TMEFF1: variants seen among roughly 807,000 people sequenced by gnomAD.
TMEFF1 encodes transmembrane protein with EGF like and two follistatin like domains 1.
Under a neutral mutation model 47.5 loss-of-function variants are expected in TMEFF1, and 20 were observed. The ratio of observed to expected loss-of-function variants is 0.42; its 90% CI spans 0.30 to 0.61. TMEFF1 has a LOEUF of 0.61. Ranked by LOEUF, TMEFF1 falls within the 20% of genes least tolerant of loss-of-function variation. The pLI is 0.19. For synonymous variants in TMEFF1, 162 were observed against 166.3 expected (o/e 0.97, Z 0.20); for missense variants, 411 against 471.1 (o/e 0.87, Z 1.18).
intron 1 of TMEFF1, 43 bp from the exon 2 acceptor site, chr9:100,498,721 TA>T: frequency 6.2e-7 from 1 of 1,602,606 alleles, no homozygotes; most frequent in Non-Finnish European, 8.5e-7. Flanking sequence ...ACACACGTAA[TA>T]AAAAGCCAAA....
rs1839012275 is a variant in TMEFF1, at chr9:100,561,426, A to G, written c.805A>G (p.Ile269Val). ...DASDQREDVY[I>V]GNHMPCPENL... ...TAGTGATCAAAGAGAAGATGTTTATATTGGAAACCACATGCCTTGCCCTGA... is the reference window on the plus strand; with the variant it reads ...TAGTGATCAAAGAGAAGATGTTTATGTTGGAAACCACATGCCTTGCCCTGA... Residue 269 changes from isoleucine (I) to valine (V), a missense_variant, in exon 8 of 10, where the codon ATT becomes GTT. Ile to Val is a conservative substitution (Grantham distance 29). Coordinates refer to ENST00000374879, the MANE Select transcript of TMEFF1 (RefSeq NM_003692.5). 2 of 1,613,488 alleles carry G rather than the reference A, an allele frequency of 1.2e-6. No homozygotes were observed. The highest frequency in any genetic ancestry group is 1.3e-5 in the African/African-American group (1 of 74,882).
intron 2 of TMEFF1, among the ~76,000 whole-genome samples, chr9:100,508,249 T>G (rs528068106): frequency 2.0e-5 from 3 of 152,296 alleles, no homozygotes; most frequent in Admixed American, 6.5e-5. Flanking sequence ...TTTTAAAACT[T>G]TAGTCATTTA....
chr9:100,503,237 A>G (rs1221510897), intron 2 of TMEFF1, among the ~76,000 whole-genome samples: 1 of 152,148 alleles, frequency 6.6e-6, no homozygotes, highest in African/African-American at 2.4e-5. Context: ...TTTTAAATAA[A>G]AATTCAAATT....
chr9:100,504,354 T>C (rs1837818491), intron 2 of TMEFF1, among the ~76,000 whole-genome samples: 1 of 152,182 alleles, frequency 6.6e-6, no homozygotes, highest in South Asian at 2.1e-4. Flanking sequence ...CTCCTAGGTA[T>C]ATGCTTGTGA....
In TMEFF1 at chr9:100,476,079, C is replaced by T. The variant is rs80217154; in HGVS notation, c.196+2339C>T. On this transcript the variant is annotated intron_variant, in intron 1 of 9. Transcript: ENST00000374879. ...AGTAATATCTGAGTCTTCTTTCAAGCGTATTCATCACTGATATAAATGTCA... is the reference window on the plus strand; with the variant it reads ...AGTAATATCTGAGTCTTCTTTCAAGTGTATTCATCACTGATATAAATGTCA... Among the ~76,000 whole-genome samples, 753 of 152,148 alleles carry T rather than the reference C, an allele frequency of 4.9e-3. 4 individuals carry two copies. The highest frequency in any genetic ancestry group is 0.017 in the African/African-American group (707 of 41,486).
intron 3 of TMEFF1, among the ~76,000 whole-genome samples, chr9:100,510,727 G>A (rs145542658): frequency 3.3e-5 from 5 of 152,050 alleles, no homozygotes; most frequent in African/African-American, 1.2e-4. Flanking sequence ...TGCCTGCCTT[G>A]GCCTCTCAAA....
chr9:100,567,919 C>A (rs371598308), intron 8 of TMEFF1, among the ~76,000 whole-genome samples: 2 of 152,246 alleles, frequency 1.3e-5, no homozygotes, highest in Admixed American at 1.3e-4. Context: ...CACATCTTAC[C>A]TGGATGGCAG....
At chr9:100,536,271 C>G (rs1369576816) in intron 5 of TMEFF1, among the ~76,000 whole-genome samples, 1 of 152,120 alleles carries the variant, frequency 6.6e-6, no homozygotes, top group Non-Finnish European at 1.5e-5. Context: ...AAGCCCATTT[C>G]TAGGGGTAAT....
At chr9:100,508,160 T>C (rs185018220) in intron 2 of TMEFF1, among the ~76,000 whole-genome samples, 48 of 152,318 alleles carry the variant, frequency 3.2e-4, no homozygotes, top group African/African-American at 1.1e-3. Flanking sequence ...CTGTCTTTGG[T>C]CCCGTTTTTA....
chr9:100,509,035 T>A lies in TMEFF1; in HGVS notation c.337T>A (p.Ser113Thr), dbSNP rs1490347745. ...TACAAATTATATTCCTGTCTGTGGA[T>A]CAAATGGGGACACTTATCAAAATGA... is the stretch of plus-strand genomic sequence containing the variant. Reference protein sequence around the residue: ...CHTNYIPVCGSNGDTYQNECF... With the variant: ...CHTNYIPVCGTNGDTYQNECF... Residue 113 changes from serine to threonine, a missense_variant, in exon 3 of 10, where the codon TCA becomes ACA. Coordinates refer to ENST00000374879, the MANE Select transcript of TMEFF1 (RefSeq NM_003692.5). The A allele has an allele frequency of 1.9e-6, 3 of 1,601,694 alleles. No homozygotes were observed. Among genetic ancestry groups the A allele is most frequent in the East Asian group, 2.3e-5 (1 of 44,392 alleles).
chr9:100,513,482 AG>A, intron 4 of TMEFF1, 149 bp downstream of exon 4: 1 of 999,876 alleles, frequency 1.0e-6, no homozygotes. Context: ...AGTGACTTTT[AG>A]TAAATTCACA....
chr9:100,545,616 T>C (rs978822958), intron 5 of TMEFF1, among the ~76,000 whole-genome samples: 8 of 152,230 alleles, frequency 5.3e-5, no homozygotes, highest in African/African-American at 1.9e-4. Flanking sequence ...GCTTGTAACT[T>C]ATGCAAATTT....
chr9:100,549,335 G>T (rs1233251248), intron 6 of TMEFF1, among the ~76,000 whole-genome samples: 1 of 152,108 alleles, frequency 6.6e-6, no homozygotes, highest in African/African-American at 2.4e-5. Flanking sequence ...TATGAGAACA[G>T]CGAGAGGGAA....
At chr9:100,542,606 A>C (rs1587847024) in intron 5 of TMEFF1, among the ~76,000 whole-genome samples, 3 of 152,340 alleles carry the variant, frequency 2.0e-5, no homozygotes, top group Admixed American at 2.0e-4. Context: ...ATTTGGCTTC[A>C]GTATTGCTTT....
At chr9:100,493,345 A>G (rs1026575927) in intron 1 of TMEFF1, among the ~76,000 whole-genome samples, 6 of 152,196 alleles carry the variant, frequency 3.9e-5, no homozygotes, top group Non-Finnish European at 7.3e-5. Context: ...TAAGATCCCC[A>G]AAACTACCTT....
At chr9:100,479,996 A>AT (rs773511028) in intron 1 of TMEFF1, among the ~76,000 whole-genome samples, 1 of 152,184 alleles carries the variant, frequency 6.6e-6, no homozygotes, top group Non-Finnish European at 1.5e-5. Flanking sequence ...CAATGTTTGA[A>AT]GATCCTAATT....
chr9:100,501,466 G>C (rs1837758098), intron 2 of TMEFF1, among the ~76,000 whole-genome samples: 2 of 151,626 alleles, frequency 1.3e-5, no homozygotes, highest in Admixed American at 1.3e-4. Context: ...TCTAGTTTCT[G>C]GGGTATTTTC....
chr9:100,508,969 C>G (rs1837912656), intron 2 of TMEFF1, 36 bp from the exon 3 acceptor site: 2 of 1,528,784 alleles, frequency 1.3e-6, no homozygotes, highest in South Asian at 2.7e-5. Context: ...AATATTCATG[C>G]CTAGTTCTGA....
At chr9:100,541,525 C>T (rs1838631887) in intron 5 of TMEFF1, among the ~76,000 whole-genome samples, 1 of 151,712 alleles carries the variant, frequency 6.6e-6, no homozygotes, top group South Asian at 2.1e-4. Context: ...AGGTGCCTGC[C>T]ACTACACCCA....
Sources: gnomAD v4.1 joint callset for allele counts (sites outside exome capture counted in the v4.1 genomes callset) on GRCh38, gnomAD v4.1.1 for gene constraint, MANE v1.5 for transcripts, NCBI Gene and HGNC (gene_info 2026-07-23, HGNC 2026-07-21) for gene names.